Variants in CYP4A22 observed in about 807,000 individuals in gnomAD.
The protein encoded by CYP4A22 is cytochrome P450 family 4 subfamily A member 22.
Under a neutral mutation model 56.2 loss-of-function variants are expected in CYP4A22, and 46 were observed. The ratio of observed to expected loss-of-function variants is 0.82; its 90% CI spans 0.65 to 1.05. The LOEUF is 1.05. Among genes scored for constraint, CYP4A22 ranks in the 50% least tolerant of loss-of-function variants. The pLI, the probability that CYP4A22 is intolerant of heterozygous loss-of-function variation, is 0.00. For missense variants in CYP4A22, 541 were observed against 645.9 expected (o/e 0.84, Z 1.76); for synonymous variants, 193 against 251.1 (o/e 0.77, Z 2.19).
intron 9 of CYP4A22, 106 bp downstream of exon 9, chr1:47,145,076 T>C: frequency 2.7e-6 from 4 of 1,503,084 alleles, no homozygotes; most frequent in Non-Finnish European, 3.6e-6. Flanking sequence ...GTCTCCCTTT[T>C]GTTCTAAAAA....
intron 3 of CYP4A22, among the ~76,000 whole-genome samples, 200 bp downstream of exon 3, chr1:47,141,815 C>A (rs1219290719): frequency 6.6e-6 from 1 of 152,212 alleles, no homozygotes; most frequent in Non-Finnish European, 1.5e-5. Flanking sequence ...TCTTCCATTT[C>A]ATGTCTCAGT....
intron 2 of CYP4A22, among the ~76,000 whole-genome samples, chr1:47,141,251 T>G (rs1375620914): frequency 6.6e-6 from 1 of 152,250 alleles, no homozygotes; most frequent in Non-Finnish European, 1.5e-5. Context: ...AATTGTTGCC[T>G]GTCCTGGTCA....
chr1:47,144,035 G>A (rs2148557486), intron 6 of CYP4A22, 119 bp downstream of exon 6: 2 of 1,491,222 alleles, frequency 1.3e-6, no homozygotes, highest in South Asian at 2.8e-5. Context: ...CACTCAGCCT[G>A]GGGAATTCCC....
intron 6 of CYP4A22, 62 bp downstream of exon 6, chr1:47,143,978 C>T (rs1333172773): frequency 7.1e-6 from 11 of 1,547,238 alleles, no homozygotes; most frequent in Middle Eastern, 1.7e-4. Context: ...CCTGCCCTGA[C>T]TCCTCAGGCA....
chr1:47,142,156 G>C lies in CYP4A22; in HGVS notation c.431G>C (p.Arg144Pro). ...GGGCAGACATGGTTCCAGCATCGAC[G>C]GATGCTGACCCCAGCCTTCCACAAT... ...LNGQTWFQHR[R>P]MLTPAFHNDI... The change falls in exon 4 of 12, where the codon CGG becomes CCG. Residue 144 changes from arginine (R) to proline (P), a missense_variant. By Grantham distance (103) the Arg-to-Pro change is moderately radical (BLOSUM62 -2). Coordinates refer to ENST00000371891, the MANE Select transcript of CYP4A22 (RefSeq NM_001010969.4). The C allele has an allele frequency of 6.2e-7, 1 of 1,613,840 alleles. No homozygotes were observed. The highest frequency in any genetic ancestry group is 8.5e-7 in the Non-Finnish European group (1 of 1,179,902).
chr1:47,142,199 C>G lies in CYP4A22; in HGVS notation c.474C>G (p.Tyr158Ter), dbSNP rs2758715. ...TCCACAATGACATCCTGAAGCCATA[C>G]GTGGGGCTCATGGCAGACTCTGTAC... ...PAFHNDILKPYVGLMADSVRV... is the reference protein window; with the variant it reads ...PAFHNDILKP The change falls in exon 4 of 12, where the codon TAC becomes TAG. Residue 158 changes from tyrosine (Y) to a stop codon, truncating the protein, a stop_gained. Coordinates refer to ENST00000371891, the MANE Select transcript of CYP4A22 (RefSeq NM_001010969.4). LOFTEE classifies it high-confidence loss of function. The G allele has an allele frequency of 2.9e-5, 47 of 1,613,384 alleles. No homozygotes were observed. In the East Asian group the frequency reaches 1.0e-3, roughly 36 times the overall value.
At chr1:47,140,976 C>T (rs1645002683) in intron 2 of CYP4A22, 55 bp downstream of exon 2, 1 of 1,598,458 alleles carries the variant, frequency 6.3e-7, no homozygotes, top group Non-Finnish European at 8.5e-7. Flanking sequence ...GACACATGCC[C>T]CTGGGTCTGT....
rs546882184 is a variant in CYP4A22, at chr1:47,147,477, C to A, written c.1365-1125C>A. On this transcript the variant is annotated intron_variant, in intron 11 of 11. Coordinates refer to ENST00000371891, the MANE Select transcript of CYP4A22 (RefSeq NM_001010969.4). ...ATAAAAGGTACAAAAATGTGTTGTA[C>A]AGAAATATATCCTGTGCTCCAGACA... is the stretch of plus-strand genomic sequence containing the variant. 8 of 947,360 alleles carry A rather than the reference C, an allele frequency of 8.4e-6. No individual in the cohort carries two copies. The South Asian group carries it at 3.9e-4, about 46-fold the overall frequency. The allele number at this position is 947,360 out of a possible 1,614,324, so 58.7% of individuals were successfully genotyped here.
intron 2 of CYP4A22, 48 bp from the exon 3 acceptor site, chr1:47,141,523 C>CT (rs753662593): frequency 1.3e-6 from 2 of 1,597,830 alleles, no homozygotes. Context: ...CTGAGACTGC[C>CT]TTCTTAGTAA....
chr1:47,145,783 CT>C, intron 9 of CYP4A22, 82 bp from the exon 10 acceptor site: 2 of 1,581,814 alleles, frequency 1.3e-6, no homozygotes, highest in South Asian at 2.3e-5. Context: ...TGTTTTGGGC[CT>C]TCTTTTGCCC....
At chr1:47,146,465 TTAGA>T (rs1645077592) in intron 11 of CYP4A22, 1 of 1,190,632 alleles carries the variant, frequency 8.4e-7, no homozygotes, top group South Asian at 2.4e-5. Context: ...ATTCTCAAAA[TTAGA>T]TATTCTCCAG....
chr1:47,142,067 C>T (rs753898677), intron 3 of CYP4A22, 41 bp from the exon 4 acceptor site: 3 of 1,584,298 alleles, frequency 1.9e-6, no homozygotes, highest in Non-Finnish European at 2.6e-6. Context: ...GTCCGTGCAG[C>T]CTCTGATACA....
At chr1:47,145,997 C>T (rs1213272705) in intron 10 of CYP4A22, 67 bp downstream of exon 10, 15 of 1,613,928 alleles carry the variant, frequency 9.3e-6, no homozygotes, top group African/African-American at 4.0e-5. Flanking sequence ...CTGCTTCCAC[C>T]TCTGGGAGTA....
At position 47,143,848 on chromosome 1, in the gene CYP4A22, C is replaced by G. The variant is rs1283583411; in HGVS notation, c.722C>G (p.Thr241Ser). 1 of 1,614,050 alleles carries G rather than the reference C, an allele frequency of 6.2e-7. No individual in the cohort carries two copies. The highest frequency in any genetic ancestry group is 1.7e-5 in the Admixed American group (1 of 60,014). ...AGGAATGCCTTTCATGAGAATGACA[C>G]CATCTACAGCCTGACCTCTGCTGGC... is the stretch of plus-strand genomic sequence containing the variant. ...CMRNAFHEND[T>S]IYSLTSAGRW... The change falls in exon 6 of 12, where the codon ACC becomes AGC. Residue 241 changes from threonine (T) to serine (S), a missense_variant. Around this residue, in one of 3 missense-constraint regions of CYP4A22, gnomAD observed 335 missense variants for 361.2 expected, o/e 0.93. Coordinates refer to ENST00000371891, the MANE Select transcript of CYP4A22 (RefSeq NM_001010969.4).
At chr1:47,146,447 G>C (rs1645077325) in intron 11 of CYP4A22, 2 of 1,240,276 alleles carry the variant, frequency 1.6e-6, no homozygotes, top group African/African-American at 1.5e-5. Flanking sequence ...CTCACTTTAA[G>C]GATATGAATT....
In CYP4A22 at chr1:47,143,512, G is replaced by A. The variant is rs989855088; in HGVS notation, c.635+119G>A. On this transcript the variant is annotated intron_variant, in intron 5 of 11. Transcript: ENST00000371891. ...CCACACAAAGGAAGAGTCAGTCCCT[G>A]ACCAAACTCTAATTCCTGTCCAGAC... The A allele has an allele frequency of 1.5e-5, 23 of 1,501,050 alleles. No individual in the cohort carries two copies. In the African/African-American group the frequency reaches 3.2e-4, roughly 21 times the overall value. The allele number at this position is 1,501,050 out of a possible 1,614,324, so 93.0% of individuals were successfully genotyped here.
chr1:47,137,787 G>A (rs1644960502), intron 1 of CYP4A22, 107 bp downstream of exon 1: 2 of 1,447,868 alleles, frequency 1.4e-6, no homozygotes, highest in Admixed American at 2.7e-5. Context: ...CAAACGTGAG[G>A]CCTCATAGGA....
At position 47,149,431 on chromosome 1, in the gene CYP4A22, T is replaced by A. The variant is rs1336173977; in HGVS notation, c.*634T>A. ...GTTTCTTTGTTTGATCACCAATAAA[T>A]AATCTGCACTTCCAGAGCTCGGGGC... On this transcript the variant is annotated 3_prime_UTR_variant, in exon 12 of 12. Transcript: ENST00000371891. The A allele has an allele frequency of 1.3e-5, 2 of 152,578 alleles. No homozygotes were observed. Among genetic ancestry groups the A allele is most frequent in the East Asian group, 3.8e-4 (2 of 5,204 alleles). 9.5% of individuals were successfully genotyped at this position (152,578 alleles called of 1,614,324 possible).
At chr1:47,145,967 C>A (rs774111650) in intron 10 of CYP4A22, 37 bp downstream of exon 10, 1 of 1,614,128 alleles carries the variant, frequency 6.2e-7, no homozygotes, top group South Asian at 1.1e-5. Context: ...GGGGTGATCT[C>A]TCAAGACCAA....
Sources: allele counts gnomAD v4.1 joint callset (sites outside exome capture counted in the v4.1 genomes callset), GRCh38; gene constraint gnomAD v4.1.1; regional missense constraint gnomAD v4.1.1; transcripts MANE v1.5; gene names NCBI Gene and HGNC (gene_info 2026-07-23, HGNC 2026-07-21).